The following PXDNL variants were observed in gnomAD, a reference collection of about 807,000 sequenced individuals.
The protein encoded by PXDNL is peroxidasin like.
A neutral mutation model predicts 150.8 loss-of-function variants in PXDNL; 145 were observed. That is an observed-to-expected ratio of 0.96 (90% CI 0.84 to 1.10). The LOEUF is 1.10. Ranked by LOEUF, PXDNL falls within the 50% of genes least tolerant of loss-of-function variation. The pLI, the probability that PXDNL is intolerant of heterozygous loss-of-function variation, is 0.00. For missense variants in PXDNL, 2,087 were observed against 1,873.9 expected (o/e 1.11, Z -2.10); for synonymous variants, 757 against 725.7 (o/e 1.04, Z -0.69).
At chr8:51,407,442 T>TC (rs1808468047) in intron 17 of PXDNL, among the ~76,000 whole-genome samples, 1 of 152,212 alleles carries the variant, frequency 6.6e-6, no homozygotes, top group Non-Finnish European at 1.5e-5. Flanking sequence ...GAAACTGTTT[T>TC]TAAAAAAATA....
Position 51,686,873 on chromosome 8 carries a change from A to G in PXDNL, c.165-32113T>C, listed in dbSNP as rs966639977. On this transcript the variant is annotated intron_variant, in intron 1 of 22. Transcript: ENST00000356297. Reference sequence around the variant, plus strand: ...AAGGCAAACAATCTAAGAAATGACTATTATAAATTAGAAAGGGTTAATAGT... The same window carrying G: ...AAGGCAAACAATCTAAGAAATGACTGTTATAAATTAGAAAGGGTTAATAGT... Among the ~76,000 whole-genome samples the G allele has an allele frequency of 2.6e-4, 39 of 152,176 alleles. 1 individual carries two copies. Among genetic ancestry groups the G allele is most frequent in the Admixed American group, 6.5e-5 (1 of 15,284 alleles).
At chr8:51,511,784 T>TGAA (rs1263599151) in intron 4 of PXDNL, among the ~76,000 whole-genome samples, 3 of 152,102 alleles carry the variant, frequency 2.0e-5, no homozygotes, top group African/African-American at 4.8e-5. Flanking sequence ...ACGCCCAGGA[T>TGAA]GAAGAGTGCA....
intron 2 of PXDNL, among the ~76,000 whole-genome samples, chr8:51,627,582 A>AG (rs1169856035): frequency 6.6e-6 from 1 of 152,186 alleles, no homozygotes; most frequent in African/African-American, 2.4e-5. Flanking sequence ...GGTAGCTCCA[A>AG]GGGGTCCTCA....
At position 51,386,077 on chromosome 8, in the gene PXDNL, G is replaced by C. The variant is rs1807699202; in HGVS notation, c.3558-11346C>G. Among the ~76,000 whole-genome samples, 2 of 151,604 alleles carry C rather than the reference G, an allele frequency of 1.3e-5. 1 individual carries two copies. Among genetic ancestry groups the C allele is most frequent in the South Asian group, 4.2e-4 (2 of 4,782 alleles). ...TTGGTGGAATTCAAGACATTTAACA[G>C]AAATGTTGGGTGATTCATTCTTTTT... On this transcript the variant is annotated intron_variant, in intron 17 of 22. Transcript: ENST00000356297.
chr8:51,464,870 A>G (rs1810168141), intron 8 of PXDNL, among the ~76,000 whole-genome samples: 1 of 152,124 alleles, frequency 6.6e-6, no homozygotes, highest in Non-Finnish European at 1.5e-5. Context: ...GTATAATAAT[A>G]ACAATAATAA....
chr8:51,344,155 A>G (rs1317684734), intron 20 of PXDNL, among the ~76,000 whole-genome samples: 1 of 151,950 alleles, frequency 6.6e-6, no homozygotes, highest in African/African-American at 2.4e-5. Flanking sequence ...CTCAGGGTGG[A>G]GTATAGTGCC....
chr8:51,531,658 T>C (rs2130433491), intron 4 of PXDNL, among the ~76,000 whole-genome samples: 1 of 152,304 alleles, frequency 6.6e-6, no homozygotes, highest in South Asian at 2.1e-4. Flanking sequence ...CTGTGTTGTA[T>C]GTAAACCCTA....
Position 51,320,858 on chromosome 8 carries a change from T to C in PXDNL, c.4186A>G (p.Thr1396Ala). 4 of 1,613,936 alleles carry C rather than the reference T, an allele frequency of 2.5e-6. No individual in the cohort carries two copies. The Admixed American group carries it at 6.7e-5, about 27-fold the overall frequency. The change falls in exon 22 of 23, where the codon ACA (threonine) becomes GCA (alanine). Residue 1396 changes from threonine (T) to alanine (A), a missense_variant. By Grantham distance (58) the Thr-to-Ala change is moderately conservative. Coordinates refer to ENST00000356297, the MANE Select transcript of PXDNL (RefSeq NM_144651.5). ...TTCCTTGGAACCCCTCTAACATCTG[T>C]ACACCCTGCCTGCCTCAGGCGTGCC... ...LEARLRQAGC[T>A]DVRGVPRKAE...
chr8:51,406,228 G>A (rs948361318), intron 17 of PXDNL, among the ~76,000 whole-genome samples: 9 of 152,170 alleles, frequency 5.9e-5, no homozygotes, highest in African/African-American at 1.7e-4. Context: ...TGCACAAGAC[G>A]TCATACCCCT....
chr8:51,684,733 T>C (rs1159652734), intron 1 of PXDNL, among the ~76,000 whole-genome samples: 2 of 152,214 alleles, frequency 1.3e-5, no homozygotes, highest in Non-Finnish European at 2.9e-5. Flanking sequence ...GACATTCTCT[T>C]GCTGGTCTTG....
intron 1 of PXDNL, among the ~76,000 whole-genome samples, chr8:51,726,486 G>C (rs1051674724): frequency 3.9e-5 from 6 of 152,230 alleles, no homozygotes; most frequent in Non-Finnish European, 8.8e-5. Flanking sequence ...CCTGGGACCA[G>C]AAAAACATAG....
chr8:51,787,688 A>C (rs2037472922), intron 1 of PXDNL, among the ~76,000 whole-genome samples: 1 of 152,226 alleles, frequency 6.6e-6, no homozygotes, highest in Non-Finnish European at 1.5e-5. Context: ...GATACTGTGA[A>C]CACTTAAAAT....
At chr8:51,750,647 C>G (rs906208440) in intron 1 of PXDNL, among the ~76,000 whole-genome samples, 3 of 152,170 alleles carry the variant, frequency 2.0e-5, no homozygotes, top group Non-Finnish European at 4.4e-5. Flanking sequence ...CTTTGTAAAT[C>G]TTTCTTTAGT....
chr8:51,324,137 G>A (rs1224402682), intron 21 of PXDNL, among the ~76,000 whole-genome samples: 1 of 152,070 alleles, frequency 6.6e-6, no homozygotes, highest in Non-Finnish European at 1.5e-5. Context: ...GGTTTATGTT[G>A]TATCCTGTAA....
At chr8:51,563,306 G>A (rs560208619) in intron 3 of PXDNL, among the ~76,000 whole-genome samples, 9 of 152,046 alleles carry the variant, frequency 5.9e-5, no homozygotes, top group East Asian at 3.9e-4. Flanking sequence ...TTCCTGGCTC[G>A]CAGATAGCCA....
intron 2 of PXDNL, among the ~76,000 whole-genome samples, chr8:51,595,999 AC>A (rs1203579397): frequency 6.6e-6 from 1 of 152,008 alleles, no homozygotes; most frequent in Non-Finnish European, 1.5e-5. Context: ...TAATCCCATC[AC>A]CCCGGTACTG....
chr8:51,750,604 T>C lies in PXDNL; in HGVS notation c.164+58577A>G, dbSNP rs560317679. Among the ~76,000 whole-genome samples the C allele has an allele frequency of 5.9e-5, 9 of 152,350 alleles. No homozygotes were observed. In the East Asian group the frequency reaches 1.7e-3, roughly 29 times the overall value. ...CATGACTGTATTATCTGACAATCAG[T>C]GTAAACCCAGGATAACATTTTAAGC... On this transcript the variant is annotated intron_variant, in intron 1 of 22. Coordinates refer to ENST00000356297, the MANE Select transcript of PXDNL (RefSeq NM_144651.5).
intron 1 of PXDNL, among the ~76,000 whole-genome samples, chr8:51,803,474 G>A (rs1285050336): frequency 1.3e-5 from 2 of 152,120 alleles, no homozygotes; most frequent in Non-Finnish European, 2.9e-5. Context: ...ACTTCTTAGA[G>A]GTGGAATTTG....
At chr8:51,678,745 A>C (rs1006009713) in intron 1 of PXDNL, among the ~76,000 whole-genome samples, 1 of 152,130 alleles carries the variant, frequency 6.6e-6, no homozygotes, top group Non-Finnish European at 1.5e-5. Flanking sequence ...GAGGGATAGC[A>C]TTGGGATATA....
Sources: gnomAD v4.1 joint callset for allele counts (sites outside exome capture counted in the v4.1 genomes callset) on GRCh38, gnomAD v4.1.1 for gene constraint, MANE v1.5 for transcripts, NCBI Gene and HGNC (gene_info 2026-07-23, HGNC 2026-07-21) for gene names.